The following LRMDA variants were observed in gnomAD, a reference collection of about 807,000 sequenced individuals.
LRMDA encodes the protein leucine-rich melanocyte differentiation-associated protein.
A neutral mutation model predicts 29.8 loss-of-function variants in LRMDA; 18 were observed. That is an observed-to-expected ratio of 0.60 (90% CI 0.42 to 0.90). LRMDA has a LOEUF of 0.90. Ranked by LOEUF, LRMDA falls within the 40% of genes least tolerant of loss-of-function variation. LRMDA has a pLI of 0.00. For missense variants in LRMDA, 273 were observed against 273.9 expected, an observed-to-expected ratio of 1.00 and a Z score of 0.02; for synonymous variants, 125 against 109.4, an observed-to-expected ratio of 1.14 and a Z score of -0.89.
rs1310199675 is a variant in LRMDA at position 76,559,012 on chromosome 10, TTAAATTA to T, written c.*1726_*1732del. 4 of 152,218 alleles carry T rather than the reference TTAAATTA, an allele frequency of 2.6e-5. No homozygotes were observed. Among genetic ancestry groups the T allele is most frequent in the Non-Finnish European group, 4.4e-5 (3 of 68,040 alleles). The allele number at this position is 152,218 out of a possible 1,614,324, so 9.4% of individuals were successfully genotyped here. A position where few individuals can be genotyped will look rare whatever the true frequency, so the allele number is the denominator to read the frequency against. The stretch of plus-strand genomic sequence containing the variant: ...TACAAAACAGCACTGGAAAAATGCT[TTAAATTA>T]TCTGCATTTGGTCCCACCCTGGGTC... On this transcript the variant is annotated 3_prime_UTR_variant, in exon 7 of 7. Coordinates refer to ENST00000611255, the MANE Select transcript of LRMDA (RefSeq NM_001305581.2).
intron 2 of LRMDA, among the ~76,000 whole-genome samples, chr10:75,831,453 GC>G (rs1844343057): frequency 6.6e-6 from 1 of 152,200 alleles, no homozygotes; most frequent in African/African-American, 2.4e-5. Flanking sequence ...GGGCAGCTCT[GC>G]CCCTCTGGCT....
intron 6 of LRMDA, among the ~76,000 whole-genome samples, chr10:76,490,739 G>T (rs935962069): frequency 6.6e-6 from 1 of 151,850 alleles, no homozygotes; most frequent in Non-Finnish European, 1.5e-5. Flanking sequence ...CAGCCACTCT[G>T]TGTCCTTTGA....
At chr10:76,262,780 C>T (rs996582884) in intron 5 of LRMDA, among the ~76,000 whole-genome samples, 4 of 152,188 alleles carry the variant, frequency 2.6e-5, no homozygotes, top group African/African-American at 9.6e-5. Context: ...TTGACAAATT[C>T]ATGCTTTCCA....
chr10:75,760,925 G>A lies in LRMDA; in HGVS notation c.132-275083G>A, dbSNP rs546131975. Among the ~76,000 whole-genome samples, 5 of 152,274 alleles carry A rather than the reference G, an allele frequency of 3.3e-5. No homozygotes were observed. The East Asian group carries it at 9.6e-4, about 29-fold the overall frequency. On this transcript the variant is annotated intron_variant, in intron 2 of 6. Transcript: ENST00000611255. ...TGGTGAGGAGAGATGCCTCAAGTGT[G>A]TGCTGTCCTGCCTTCAACAAGAGAA...
At chr10:76,171,695 A>G (rs1350492982) in intron 5 of LRMDA, among the ~76,000 whole-genome samples, 1 of 152,208 alleles carries the variant, frequency 6.6e-6, no homozygotes, top group Non-Finnish European at 1.5e-5. Context: ...TCTTTAGGGC[A>G]TAGCACCAAC....
At chr10:76,148,477 A>G (rs569980391) in intron 5 of LRMDA, among the ~76,000 whole-genome samples, 20 of 152,290 alleles carry the variant, frequency 1.3e-4, no homozygotes, top group Admixed American at 7.8e-4. Context: ...CGGTGGGCAT[A>G]GGACCCTCCG....
chr10:75,539,979 A>G (rs960307250), intron 2 of LRMDA, among the ~76,000 whole-genome samples: 37 of 152,154 alleles, frequency 2.4e-4, no homozygotes, highest in Admixed American at 2.1e-3. Context: ...CAGATTCACT[A>G]TATGTTTATT....
At chr10:76,228,454 C>A (rs77344745) in intron 5 of LRMDA, among the ~76,000 whole-genome samples, 1 of 152,112 alleles carries the variant, frequency 6.6e-6, no homozygotes, top group Non-Finnish European at 1.5e-5. Flanking sequence ...GAAGTTCATA[C>A]TCAAATCATC....
chr10:76,241,609 TG>T, intron 5 of LRMDA, among the ~76,000 whole-genome samples: 1 of 152,316 alleles, frequency 6.6e-6, no homozygotes, highest in Non-Finnish European at 1.5e-5. Flanking sequence ...TGTTTCCAGA[TG>T]CAGCGGAAGT....
At chr10:75,490,336 TACACACACACAC>T (rs56077469) in intron 2 of LRMDA, among the ~76,000 whole-genome samples, 5,386 of 148,602 alleles carry the variant, frequency 0.036, 298 homozygotes, top group African/African-American at 0.13. Context: ...CATGTACACA[TACACACACACAC>T]ACACACACAC....
intron 6 of LRMDA, among the ~76,000 whole-genome samples, chr10:76,339,617 G>T (rs1841012411): frequency 6.6e-6 from 1 of 151,800 alleles, no homozygotes; most frequent in African/African-American, 2.4e-5. Flanking sequence ...AATACCAACA[G>T]ATATTTAAGA....
chr10:76,374,968 CT>C (rs1274484263), intron 6 of LRMDA, among the ~76,000 whole-genome samples: 1 of 152,132 alleles, frequency 6.6e-6, no homozygotes, highest in Non-Finnish European at 1.5e-5. Context: ...GATAACTTGT[CT>C]AAAAACAAGC....
intron 5 of LRMDA, among the ~76,000 whole-genome samples, chr10:76,213,339 C>G (rs1318584557): frequency 6.6e-6 from 1 of 152,178 alleles, no homozygotes; most frequent in Non-Finnish European, 1.5e-5. Flanking sequence ...TAATTTTACC[C>G]AAGACCCTGG....
chr10:76,048,580 A>G (rs1848479683), intron 4 of LRMDA, among the ~76,000 whole-genome samples: 1 of 152,196 alleles, frequency 6.6e-6, no homozygotes, highest in African/African-American at 2.4e-5. Context: ...GGCTTTTAAA[A>G]TAGGAGGACA....
chr10:76,384,315 A>C (rs2132475764), intron 6 of LRMDA, among the ~76,000 whole-genome samples: 1 of 152,344 alleles, frequency 6.6e-6, no homozygotes, highest in Non-Finnish European at 1.5e-5. Flanking sequence ...TTTGTTATCT[A>C]CTATATGCCA....
At chr10:75,741,287 T>G (rs1379742774) in intron 2 of LRMDA, among the ~76,000 whole-genome samples, 1 of 152,196 alleles carries the variant, frequency 6.6e-6, no homozygotes, top group Non-Finnish European at 1.5e-5. Flanking sequence ...AGGTCCCTGT[T>G]TTCTTGCTGG....
intron 2 of LRMDA, among the ~76,000 whole-genome samples, chr10:75,770,013 G>A (rs1843219092): frequency 6.6e-6 from 1 of 151,940 alleles, no homozygotes; most frequent in African/African-American, 2.4e-5. Flanking sequence ...TGGGTGTGAT[G>A]GTTCAAGCTG....
At chr10:75,896,859 G>A (rs1485950077) in intron 2 of LRMDA, among the ~76,000 whole-genome samples, 4 of 151,804 alleles carry the variant, frequency 2.6e-5, no homozygotes, top group Non-Finnish European at 5.9e-5. Flanking sequence ...GTGTGTGTGT[G>A]TGTGTGTGTG....
At chr10:76,546,632 G>A (rs1414030054) in intron 6 of LRMDA, among the ~76,000 whole-genome samples, 2 of 152,124 alleles carry the variant, frequency 1.3e-5, no homozygotes, top group African/African-American at 2.4e-5. Context: ...CCTGGACCCA[G>A]CTCTGGTTTC....
Sources: gnomAD v4.1 joint callset for allele counts (sites outside exome capture counted in the v4.1 genomes callset) on GRCh38, gnomAD v4.1.1 for gene constraint, MANE v1.5 for transcripts, NCBI Gene and HGNC (gene_info 2026-07-23, HGNC 2026-07-21) for gene names.